Variants in POGLUT1 observed in about 807,000 individuals in gnomAD.
The protein encoded by POGLUT1 is 9630046K23Rik.
A neutral mutation model predicts 61.3 loss-of-function variants in POGLUT1; 32 were observed. That is an observed-to-expected ratio of 0.52 (90% confidence interval 0.39 to 0.70). POGLUT1 has a LOEUF of 0.70. POGLUT1 is among the 30% of genes least tolerant of loss of function. The pLI is 0.00. For synonymous variants in POGLUT1, 158 were observed against 158.2 expected, an observed-to-expected ratio of 1.00 and a Z score of 0.01; for missense variants, 411 against 469.8, an observed-to-expected ratio of 0.87 and a Z score of 1.16.
At chr3:119,486,812 T>C in intron 6 of POGLUT1, 21 bp from the exon 7 acceptor site, 1 of 1,521,142 alleles carries the variant, frequency 6.6e-7, no homozygotes, top group South Asian at 1.1e-5. Context: ...CACAGTTTTA[T>C]GTCACGTGTT....
In POGLUT1 at chr3:119,469,679, C is replaced by A. The variant is rs2081445269; in HGVS notation, c.86-141C>A. 4.9e-6 allele frequency: 3 copies of A among 610,772 alleles called. No homozygotes were observed. In the Admixed American group the frequency reaches 8.5e-5, roughly 17 times the overall value. The allele number at this position is 610,772 out of a possible 1,614,324, so 37.8% of individuals were successfully genotyped here. A position where few individuals can be genotyped will look rare whatever the true frequency, so the allele number is the denominator to read the frequency against. On this transcript the variant is annotated intron_variant, in intron 1 of 10. Coordinates refer to ENST00000295588, the MANE Select transcript of POGLUT1 (RefSeq NM_152305.3). ...GTGGGAGTTGCACACACAAAAATTC[C>A]TCCCTAGCGTTTCGTTTCCATCAGT... is the stretch of plus-strand genomic sequence containing the variant.
chr3:119,471,684 C>T, intron 3 of POGLUT1: 1 of 492,298 alleles, frequency 2.0e-6, no homozygotes, highest in Non-Finnish European at 3.7e-6. Context: ...CTGGTGGTGG[C>T]TCTGCCTCTT....
rs748094149 is a variant in POGLUT1, at chr3:119,471,447, C to T, written c.315C>T (p.Pro105=). 1.3e-5 allele frequency: 21 copies of T among 1,613,812 alleles called. No individual in the cohort carries two copies. The highest frequency in any genetic ancestry group is 1.6e-5 in the Non-Finnish European group (19 of 1,179,810). The change falls in exon 3 of 11, where the codon CCC becomes CCT. Residue 105 remains proline, a synonymous_variant. Transcript: ENST00000295588. ...ACCGGGAAAATGACTGCATGTTCCCCTCAAGGTAAGAGTTAACGAGGTAGA... is the reference window on the plus strand; with the variant it reads ...ACCGGGAAAATGACTGCATGTTCCCTTCAAGGTAAGAGTTAACGAGGTAGA... The part of the protein sequence containing the change: ...RLYRENDCMF[P]SRCSGVEHFI...
chr3:119,488,831 T>G, intron 7 of POGLUT1, 98 bp from the exon 8 acceptor site: 155 of 622,284 alleles, frequency 2.5e-4, no homozygotes, highest in East Asian at 3.2e-4. Context: ...GAAGCTTAAA[T>G]GAGGTAATGT....
chr3:119,488,903 A>T (rs2081704879), intron 7 of POGLUT1, 26 bp from the exon 8 acceptor site: 12 of 1,398,696 alleles, frequency 8.6e-6, no homozygotes, highest in Non-Finnish European at 1.2e-5. Context: ...TGCTGTTAAT[A>T]CTAATAACTT....
At chr3:119,489,685 C>G (rs2081717173) in intron 8 of POGLUT1, 1 of 151,772 alleles carries the variant, frequency 6.6e-6, no homozygotes, top group African/African-American at 2.4e-5. Flanking sequence ...TCCTCATTCT[C>G]CTCTCTACAC....
intron 3 of POGLUT1, among the ~76,000 whole-genome samples, chr3:119,473,140 G>T (rs188555063): frequency 4.1e-4 from 62 of 152,294 alleles, no homozygotes; most frequent in Admixed American, 4.1e-3. Flanking sequence ...AGGAAATAAG[G>T]TTGTAGAGGA....
At chr3:119,487,531 G>A (rs1188711462) in intron 7 of POGLUT1, among the ~76,000 whole-genome samples, 1 of 152,022 alleles carries the variant, frequency 6.6e-6, no homozygotes, top group African/African-American at 2.4e-5. Flanking sequence ...AGATTGCAGT[G>A]AGCCGAGATC....
Position 119,477,360 on chromosome 3 carries a change from C to A in POGLUT1, c.368C>A (p.Pro123His). The change falls in exon 4 of 11, where the codon CCT (proline) becomes CAT (histidine). Residue 123 changes from proline to histidine, a missense_variant. Transcript: ENST00000295588. ...ATTTTGGAAGTGATCGGGCGTCTCC[C>A]TGACATGGAGATGGTGATCAATGTA... ...HFILEVIGRL[P>H]DMEMVINVRD... 6.2e-7 allele frequency: 1 copy of A among 1,613,346 alleles called. No individual in the cohort carries two copies. The highest frequency in any genetic ancestry group is 8.5e-7 in the Non-Finnish European group (1 of 1,179,244).
intron 1 of POGLUT1, chr3:119,469,358 C>T: frequency 6.9e-6 from 4 of 580,214 alleles, no homozygotes; most frequent in Non-Finnish European, 1.2e-5. Context: ...CCCGTTCACC[C>T]GCAGGAGGCG....
rs888118710 is a variant in POGLUT1, at chr3:119,483,917, C to T, written c.579-1411C>T. On this transcript the variant is annotated intron_variant, in intron 5 of 10. Transcript: ENST00000295588. ...GAATAAATGATTGCAAGGAAATTCT[C>T]GGCTAAAATGTTACATTGTTACCTC... Among the ~76,000 whole-genome samples the T allele has an allele frequency of 1.2e-4, 19 of 152,326 alleles. No homozygotes were observed. In the South Asian group the frequency reaches 3.3e-3, roughly 27 times the overall value.
rs774934277 is a variant in POGLUT1, at chr3:119,490,634, G to C, written c.881G>C (p.Gly294Ala). 6.2e-7 allele frequency: 1 copy of C among 1,613,864 alleles called. No homozygotes were observed. The highest frequency in any genetic ancestry group is 8.5e-7 in the Non-Finnish European group (1 of 1,179,960). ...TGTGGCTCACTTGTTTTCCATGTTG[G>C]TGATGAGTGGCTAGAATTCTTCTAT... ...FLCGSLVFHV[G>A]DEWLEFFYPQ... The change falls in exon 9 of 11, where the codon GGT becomes GCT. Residue 294 changes from glycine to alanine, a missense_variant. Physicochemically the swap from Gly to Ala is moderately conservative, Grantham distance 60 (BLOSUM62 0). Coordinates refer to ENST00000295588, the MANE Select transcript of POGLUT1 (RefSeq NM_152305.3).
intron 1 of POGLUT1, chr3:119,469,396 G>T (rs534275090): frequency 3.5e-5 from 20 of 568,222 alleles, no homozygotes; most frequent in African/African-American, 2.7e-4. Flanking sequence ...CTCTGGACCT[G>T]CCTGAAACAC....
In POGLUT1 at chr3:119,470,929, A is replaced by G. The variant is rs192007330; in HGVS notation, c.177-380A>G. Among the ~76,000 whole-genome samples, 928 of 152,286 alleles carry G rather than the reference A, an allele frequency of 6.1e-3. 9 individuals carry two copies. Among genetic ancestry groups the G allele is most frequent in the African/African-American group, 0.021 (870 of 41,548 alleles). On this transcript the variant is annotated intron_variant, in intron 2 of 10. Transcript: ENST00000295588. ...TGTGGACCAGACAGACCAGAACAAG[A>G]GAGTCAGTGCTAGACTGTAAGGCGT...
intron 10 of POGLUT1, among the ~76,000 whole-genome samples, 163 bp downstream of exon 10, chr3:119,491,737 CAT>C (rs1375917768): frequency 8.5e-5 from 13 of 152,170 alleles, no homozygotes; most frequent in East Asian, 3.8e-4. Flanking sequence ...AACATACACA[CAT>C]GTCTACATAT....
chr3:119,482,655 A>C (rs2081619803), intron 5 of POGLUT1, among the ~76,000 whole-genome samples: 1 of 151,376 alleles, frequency 6.6e-6, no homozygotes, highest in Admixed American at 6.6e-5. Context: ...GTTTTTTAGA[A>C]CCCTCTGTTT....
intron 8 of POGLUT1, chr3:119,490,246 C>T (rs2081725240): frequency 7.6e-6 from 2 of 263,074 alleles, no homozygotes; most frequent in South Asian, 1.0e-4. Flanking sequence ...CTGTCATTTC[C>T]TTCTGAGCCC....
At chr3:119,483,104 G>C (rs2081624905) in intron 5 of POGLUT1, among the ~76,000 whole-genome samples, 1 of 152,216 alleles carries the variant, frequency 6.6e-6, no homozygotes, top group Non-Finnish European at 1.5e-5. Flanking sequence ...TTGTTAGATA[G>C]TTTGACAATA....
chr3:119,490,870 G>T (rs1207817236), intron 9 of POGLUT1, 152 bp downstream of exon 9: 3 of 635,128 alleles, frequency 4.7e-6, no homozygotes, highest in Non-Finnish European at 8.0e-6. Context: ...TGCATATATA[G>T]TATTGCATTA....
Sources: allele counts gnomAD v4.1 joint callset (sites outside exome capture counted in the v4.1 genomes callset), GRCh38; gene constraint gnomAD v4.1.1; transcripts MANE v1.5; gene names NCBI Gene and HGNC (gene_info 2026-07-23, HGNC 2026-07-21).